ALDH8A1: variants seen among roughly 807,000 people sequenced by gnomAD.
The protein encoded by ALDH8A1 is aldehyde dehydrogenase 8 family member A1.
Under a neutral mutation model 43.3 loss-of-function variants are expected in ALDH8A1, and 39 were observed. The ratio of observed to expected loss-of-function variants is 0.90; its 90% CI spans 0.70 to 1.18. The LOEUF (loss-of-function observed/expected upper bound fraction) is 1.18, where lower values mean the gene tolerates loss of function less well. Ranked by LOEUF, ALDH8A1 falls within the 50% of genes most tolerant of loss-of-function variation. The pLI, the probability that ALDH8A1 is intolerant of heterozygous loss-of-function variation, is 0.00. For missense variants in ALDH8A1, 605 were observed against 622.6 expected (o/e 0.97, Z 0.30); for synonymous variants, 233 against 243.5 (o/e 0.96, Z 0.40).
chr6:134,931,132 G>A (rs969129895), intron 5 of ALDH8A1, among the ~76,000 whole-genome samples: 7 of 152,178 alleles, frequency 4.6e-5, no homozygotes. Context: ...TTAGGCGTAT[G>A]TCTCTTTCCC....
intron 4 of ALDH8A1, among the ~76,000 whole-genome samples, chr6:134,933,970 A>G (rs1004553191): frequency 2.6e-5 from 4 of 152,142 alleles, no homozygotes; most frequent in African/African-American, 9.7e-5. Flanking sequence ...CGGCCTGCCA[A>G]AGTACTAGGA....
intron 3 of ALDH8A1, chr6:134,940,250 C>T: frequency 3.0e-6 from 1 of 336,112 alleles, no homozygotes; most frequent in Non-Finnish European, 5.9e-6. Flanking sequence ...AATAAAAAAA[C>T]AGTTGTCACC....
Position 134,922,388 on chromosome 6 carries a change from CT to C in ALDH8A1, c.1012-3522del, listed in dbSNP as rs374713593. Among the ~76,000 whole-genome samples the C allele has an allele frequency of 2.9e-3, 434 of 151,742 alleles. 4 individuals are homozygous for C. Among genetic ancestry groups the C allele is most frequent in the African/African-American group, 9.4e-3 (391 of 41,406 alleles). On this transcript the variant is annotated intron_variant, in intron 6 of 6. Coordinates refer to ENST00000265605, the MANE Select transcript of ALDH8A1 (RefSeq NM_022568.4). ...TTCAACAGTGAATAACCTTGAATAA[CT>C]TTTTTTTTCTTTTTTTGAGACAGAG...
At chr6:134,925,632 A>G (rs1776869663) in intron 6 of ALDH8A1, among the ~76,000 whole-genome samples, 1 of 152,242 alleles carries the variant, frequency 6.6e-6, no homozygotes, top group Non-Finnish European at 1.5e-5. Context: ...GGAGCTTTCT[A>G]GAGTCTAAAG....
At chr6:134,920,329 A>G (rs950927131) in intron 6 of ALDH8A1, among the ~76,000 whole-genome samples, 2 of 152,216 alleles carry the variant, frequency 1.3e-5, no homozygotes, top group African/African-American at 4.8e-5. Flanking sequence ...GTGGGTAGAA[A>G]CTAAAATAAG....
intron 4 of ALDH8A1, 37 bp downstream of exon 4, chr6:134,939,229 A>G: frequency 3.7e-6 from 6 of 1,609,206 alleles, no homozygotes; most frequent in Non-Finnish European, 5.1e-6. Flanking sequence ...GTTTGCTCCA[A>G]CTCTGTGCCT....
chr6:134,950,092 C>T lies in ALDH8A1; in HGVS notation c.-39G>A, dbSNP rs765006664. 2.6e-6 allele frequency: 4 copies of T among 1,567,950 alleles called. No individual in the cohort carries two copies. The African/African-American group carries it at 5.4e-5, about 21-fold the overall frequency. The stretch of plus-strand genomic sequence containing the variant: ...TCTGCCTTTCCTCTTTACGACTGAG[C>T]ACTCAGGTTGTCCCCACCACTGTCT... On this transcript the variant is annotated 5_prime_UTR_variant, in exon 1 of 7. Coordinates refer to ENST00000265605, the MANE Select transcript of ALDH8A1 (RefSeq NM_022568.4).
In ALDH8A1 at chr6:134,932,876, A is replaced by G; in HGVS notation, c.749T>C (p.Leu250Pro). The G allele has an allele frequency of 1.2e-6, 2 of 1,614,086 alleles. No individual in the cohort carries two copies. Among genetic ancestry groups the G allele is most frequent in the Non-Finnish European group, 1.7e-6 (2 of 1,180,014 alleles). Residue 250 changes from leucine to proline, a missense_variant, in exon 5 of 7, where the codon CTC becomes CCC. Leu to Pro is a moderately conservative substitution (Grantham distance 98, BLOSUM62 -3). Transcript: ENST00000265605. ...TQLSAPHCKK[L>P]SLELGGKNPA... ...ATTCTTGCCCCCCAGCTCCAGGGAG[A>G]GCTTTTTGCAGTGGGGAGCGCTCAG...
At chr6:134,942,103 C>T in intron 3 of ALDH8A1, 1 of 180,806 alleles carries the variant, frequency 5.5e-6, no homozygotes, top group East Asian at 1.4e-4. Context: ...ACCTGTGGTC[C>T]CAGGTACTCA....
rs1305085703 is a variant in ALDH8A1 at position 134,949,910 on chromosome 6, A to G, written c.138+6T>C. ...ATTTCAGTCTTCTTTAAGTGCATATACTCACCTCGTCTTTTCCACTATTTG... is the reference window on the plus strand; with the variant it reads ...ATTTCAGTCTTCTTTAAGTGCATATGCTCACCTCGTCTTTTCCACTATTTG... On this transcript the variant is annotated splice_donor_region_variant and intron_variant, in intron 1 of 6. Coordinates refer to ENST00000265605, the MANE Select transcript of ALDH8A1 (RefSeq NM_022568.4). 6.3e-7 allele frequency: 1 copy of G among 1,587,062 alleles called. No homozygotes were observed. Among genetic ancestry groups the G allele is most frequent in the South Asian group, 1.2e-5 (1 of 84,746 alleles).
intron 3 of ALDH8A1, among the ~76,000 whole-genome samples, chr6:134,941,627 C>T (rs1049956863): frequency 9.2e-5 from 14 of 151,848 alleles, no homozygotes; most frequent in South Asian, 4.2e-4. Flanking sequence ...TGACCTCAGG[C>T]GATCCGCCAA....
At chr6:134,928,474 G>A (rs139311066) in intron 6 of ALDH8A1, among the ~76,000 whole-genome samples, 1 of 152,260 alleles carries the variant, frequency 6.6e-6, no homozygotes, top group East Asian at 1.9e-4. Context: ...CAAAATGTAT[G>A]ACTTATTTTG....
At chr6:134,941,757 A>G (rs898048435) in intron 3 of ALDH8A1, among the ~76,000 whole-genome samples, 8 of 151,956 alleles carry the variant, frequency 5.3e-5, no homozygotes, top group East Asian at 2.0e-4. Flanking sequence ...TCCTGACCTC[A>G]GATGATCCTT....
chr6:134,920,335 A>G (rs1177941713), intron 6 of ALDH8A1, among the ~76,000 whole-genome samples: 1 of 152,236 alleles, frequency 6.6e-6, no homozygotes, highest in Non-Finnish European at 1.5e-5. Flanking sequence ...AGAAACTAAA[A>G]TAAGTTTGTA....
At chr6:134,937,318 C>T (rs956296612) in intron 4 of ALDH8A1, among the ~76,000 whole-genome samples, 5 of 152,300 alleles carry the variant, frequency 3.3e-5, no homozygotes, top group South Asian at 2.1e-4. Flanking sequence ...GCTTCTCTTA[C>T]GTTGCTCTAA....
At chr6:134,942,680 G>T (rs572160930) in intron 2 of ALDH8A1, 116 bp from the exon 3 acceptor site, 460 of 1,037,538 alleles carry the variant, frequency 4.4e-4, no homozygotes, top group Non-Finnish European at 5.9e-4. Context: ...CTTCTAGCCC[G>T]GGGCAGGCAT....
chr6:134,932,715 T>C (rs1777004812), intron 5 of ALDH8A1, 61 bp downstream of exon 5: 1 of 1,583,874 alleles, frequency 6.3e-7, no homozygotes, highest in Admixed American at 1.7e-5. Context: ...TGCACTGTGA[T>C]AAAACAGATC....
At chr6:134,921,009 T>C (rs957038399) in intron 6 of ALDH8A1, among the ~76,000 whole-genome samples, 6 of 152,160 alleles carry the variant, frequency 3.9e-5, no homozygotes, top group African/African-American at 1.4e-4. Flanking sequence ...ATAGGGCTCT[T>C]GAGAGGATTA....
intron 6 of ALDH8A1, among the ~76,000 whole-genome samples, chr6:134,924,022 C>A (rs761026501): frequency 6.6e-6 from 1 of 152,178 alleles, no homozygotes; most frequent in Non-Finnish European, 1.5e-5. Flanking sequence ...TCCCTGCATG[C>A]ACAGCTTGGA....
Sources: allele counts gnomAD v4.1 joint callset (sites outside exome capture counted in the v4.1 genomes callset), GRCh38; gene constraint gnomAD v4.1.1; transcripts MANE v1.5; gene names NCBI Gene and HGNC (gene_info 2026-07-23, HGNC 2026-07-21).